The following ACADS variants were observed in gnomAD, a reference collection of about 807,000 sequenced individuals.
ACADS encodes the protein short-chain specific acyl-CoA dehydrogenase, mitochondrial.
In ACADS, 28 loss-of-function variants were observed where a neutral mutation model predicts 46.8. That is an observed-to-expected ratio of 0.60 (90% CI 0.44 to 0.82). The LOEUF (loss-of-function observed/expected upper bound fraction) is 0.82, where lower values mean the gene tolerates loss of function less well. Ranked by LOEUF, ACADS falls within the 40% of genes least tolerant of loss-of-function variation. ACADS has a pLI of 0.00. For synonymous variants in ACADS, 236 were observed against 237.7 expected (o/e 0.99, Z 0.07); for missense variants, 528 against 578.0 (o/e 0.91, Z 0.89).
Position 120,736,157 on chromosome 12 carries a change from T to A in ACADS, c.211-829T>A, listed in dbSNP as rs554407049. On this transcript the variant is annotated intron_variant, in intron 2 of 9. Coordinates refer to ENST00000242592, the MANE Select transcript of ACADS (RefSeq NM_000017.4). The stretch of plus-strand genomic sequence containing the variant: ...TAATAATACTATTATTATTATTTTG[T>A]TTTTGGTAGAGATGGGGTCTTGCTA... Among the ~76,000 whole-genome samples the A allele has an allele frequency of 2.2e-5, 3 of 137,906 alleles. No homozygotes were observed. The South Asian group carries it at 7.3e-4, about 34-fold the overall frequency. 90.5% of individuals were successfully genotyped at this position (137,906 alleles called of 152,430 possible).
intron 2 of ACADS, 108 bp from the exon 3 acceptor site, chr12:120,736,878 C>A: frequency 7.1e-7 from 1 of 1,403,460 alleles, no homozygotes; most frequent in Non-Finnish European, 9.5e-7. Context: ...GGTCACATGG[C>A]CTGAGTTTCT....
intron 2 of ACADS, among the ~76,000 whole-genome samples, chr12:120,729,258 C>CTTTTTTTT (rs137894149): frequency 1.6e-5 from 2 of 123,100 alleles, no homozygotes; most frequent in Non-Finnish European, 3.3e-5. Context: ...TTTCTTTTTT[C>CTTTTTTTT]TTTTTTTTTT....
At chr12:120,736,205 C>T (rs533345334) in intron 2 of ACADS, among the ~76,000 whole-genome samples, 1 of 152,202 alleles carries the variant, frequency 6.6e-6, no homozygotes, top group Admixed American at 6.5e-5. Context: ...TGGTCTCGAA[C>T]TCCTGGCCTC....
Position 120,737,336 on chromosome 12 carries a change from G to T in ACADS, c.361-20G>T. On this transcript the variant is annotated intron_variant, in intron 3 of 9. Transcript: ENST00000242592. ...GCGCCTGGGCCTGGGGCCTCCGACC[G>T]CTCCCCGCTGTCCTCCTAGTCTCTC... is the stretch of plus-strand genomic sequence containing the variant. 17 of 1,609,854 alleles carry T rather than the reference G, an allele frequency of 1.1e-5. No individual in the cohort carries two copies. The highest frequency in any genetic ancestry group is 1.7e-4 in the Middle Eastern group (1 of 6,024).
intron 3 of ACADS, 43 bp from the exon 4 acceptor site, chr12:120,737,313 G>C: frequency 6.3e-7 from 1 of 1,588,482 alleles, no homozygotes; most frequent in Non-Finnish European, 8.6e-7. Flanking sequence ...GGCAGGATGC[G>C]CCTGGGCCTG....
Position 120,738,269 on chromosome 12 carries a change from T to G in ACADS, c.625-11T>G. 1 of 1,614,014 alleles carries G rather than the reference T, an allele frequency of 6.2e-7. No homozygotes were observed. The highest frequency in any genetic ancestry group is 8.5e-7 in the Non-Finnish European group (1 of 1,179,994). ...GGCAGCTCTGAGAAAACCACCCGCC[T>G]CTCCTTTCAGGGCATCAGTGCCTTC... On this transcript the variant is annotated splice_polypyrimidine_tract_variant and intron_variant, in intron 5 of 9. Transcript: ENST00000242592.
Position 120,727,038 on chromosome 12 carries a change from G to A in ACADS, c.59G>A (p.Arg20Lys), listed in dbSNP as rs139981498. 2 of 1,614,054 alleles carry A rather than the reference G, an allele frequency of 1.2e-6. No individual in the cohort carries two copies. Among genetic ancestry groups the A allele is most frequent in the African/African-American group, 2.7e-5 (2 of 74,932 alleles). The change falls in exon 2 of 10, where the codon AGG becomes AAG. Residue 20 changes from arginine (R) to lysine (K), a missense_variant. Arg to Lys is a conservative substitution (Grantham distance 26). Transcript: ENST00000242592. ...SGPARRALCP[R>K]AWRQLHTIYQ... ...CCCTTGCCGGCAGCTCTCTGTCCTA[G>A]GGCCTGGCGGCAGTTACACACCATC...
intron 2 of ACADS, among the ~76,000 whole-genome samples, chr12:120,729,554 T>C (rs2136941400): frequency 6.6e-6 from 1 of 152,122 alleles, no homozygotes; most frequent in Admixed American, 6.5e-5. Context: ...CACTGCTTAA[T>C]TATATTTTGG....
rs528304086 is a variant in ACADS at position 120,734,430 on chromosome 12, C to T, written c.211-2556C>T. 5.9e-5 allele frequency among the ~76,000 whole-genome samples: 9 copies of T among 152,316 alleles called. No individual in the cohort carries two copies. In the South Asian group the frequency reaches 1.9e-3, roughly 32 times the overall value. ...CCTCTCAGCACACACGTTTATGCCC[C>T]ACATGTGGTACGTGTGGGAGACTCG... On this transcript the variant is annotated intron_variant, in intron 2 of 9. Coordinates refer to ENST00000242592, the MANE Select transcript of ACADS (RefSeq NM_000017.4).
chr12:120,727,081 G>A lies in ACADS; in HGVS notation c.102G>A (p.Leu34=), dbSNP rs767760711. 6.2e-7 allele frequency: 1 copy of A among 1,614,196 alleles called. No individual in the cohort carries two copies. The highest frequency in any genetic ancestry group is 8.5e-7 in the Non-Finnish European group (1 of 1,180,030). The part of the protein sequence containing the change: ...QLHTIYQSVE[L]PETHQMLLQT... ...ACACCATCTACCAGTCTGTGGAACTGCCCGAGACACACCAGATGTTGCTCC... is the reference window on the plus strand; with the variant it reads ...ACACCATCTACCAGTCTGTGGAACTACCCGAGACACACCAGATGTTGCTCC... Residue 34 remains leucine, a synonymous_variant, in exon 2 of 10, where the codon CTG becomes CTA. Transcript: ENST00000242592.
chr12:120,738,068 G>C, intron 5 of ACADS, 80 bp downstream of exon 5: 1 of 1,602,096 alleles, frequency 6.2e-7, no homozygotes, highest in Non-Finnish European at 8.5e-7. Context: ...TCCTTGGCCC[G>C]ACTGGACCTA....
chr12:120,727,611 A>C (rs536702055), intron 2 of ACADS, among the ~76,000 whole-genome samples: 1 of 152,322 alleles, frequency 6.6e-6, no homozygotes, highest in African/African-American at 2.4e-5. Flanking sequence ...ACCTCGCCTC[A>C]CTGCAGCCTC....
At chr12:120,735,898 CAAAAT>C (rs72432001) in intron 2 of ACADS, among the ~76,000 whole-genome samples, 46,531 of 149,506 alleles carry the variant, frequency 0.31, 7,926 homozygotes, top group Admixed American at 0.45. Flanking sequence ...TACTCTGTCA[CAAAAT>C]AAAATAAAAT....
chr12:120,734,703 C>T lies in ACADS; in HGVS notation c.211-2283C>T, dbSNP rs145167701. ...AAGAGGATCACTCGAGCCAGGAGTTCGACACCAGCTTGGGCAACACAGTGA... is the reference window on the plus strand; with the variant it reads ...AAGAGGATCACTCGAGCCAGGAGTTTGACACCAGCTTGGGCAACACAGTGA... On this transcript the variant is annotated intron_variant, in intron 2 of 9. Transcript: ENST00000242592. Among the ~76,000 whole-genome samples, 307 of 151,098 alleles carry T rather than the reference C, an allele frequency of 2.0e-3. 2 individuals carry two copies. The highest frequency in any genetic ancestry group is 7.2e-3 in the African/African-American group (294 of 41,028).
intron 2 of ACADS, among the ~76,000 whole-genome samples, chr12:120,735,457 A>G (rs1883404233): frequency 6.7e-6 from 1 of 150,156 alleles, no homozygotes; most frequent in Non-Finnish European, 1.5e-5. Flanking sequence ...TTTCATGTGT[A>G]TTATCTCAGT....
intron 7 of ACADS, 49 bp downstream of exon 7, chr12:120,738,719 G>C (rs369075598): frequency 6.2e-7 from 1 of 1,608,992 alleles, no homozygotes; most frequent in Admixed American, 1.7e-5. Flanking sequence ...GACAGCGGGC[G>C]GAGAGTGTGG....
intron 4 of ACADS, 126 bp from the exon 5 acceptor site, chr12:120,737,711 C>T (rs1883502092): frequency 4.3e-6 from 6 of 1,400,888 alleles, no homozygotes; most frequent in Non-Finnish European, 5.9e-6. Flanking sequence ...AGCTTTGGGA[C>T]CCTCATCTTT....
intron 2 of ACADS, among the ~76,000 whole-genome samples, chr12:120,727,724 C>T (rs187754806): frequency 4.7e-4 from 72 of 152,184 alleles, no homozygotes; most frequent in Middle Eastern, 3.4e-3. Flanking sequence ...TTAGTAAAGA[C>T]GGCGTTTCAC....
At position 120,737,682 on chromosome 12, in the gene ACADS, C is replaced by A. The variant is rs2239687; in HGVS notation, c.473-155C>A. ...CCAGCTCCTGCACACCCCCCTCGCC[C>A]TCTGGTCCCATCACTGAGAGCTTTG... On this transcript the variant is annotated intron_variant, in intron 4 of 9. Transcript: ENST00000242592. 22,961 of 1,203,160 alleles carry A rather than the reference C, an allele frequency of 0.019. 1,477 individuals carry two copies. In the East Asian group the frequency reaches 0.24, roughly 12 times the overall value. 74.5% of individuals were successfully genotyped at this position (1,203,160 alleles called of 1,614,324 possible).
Sources: allele counts gnomAD v4.1 joint callset (sites outside exome capture counted in the v4.1 genomes callset), GRCh38; gene constraint gnomAD v4.1.1; transcripts MANE v1.5; gene names NCBI Gene and HGNC (gene_info 2026-07-23, HGNC 2026-07-21).